The following ANKS1B variants were observed in gnomAD, a reference collection of about 807,000 sequenced individuals.
The protein encoded by ANKS1B is ankyrin repeat and sterile alpha motif domain-containing protein 1B.
In ANKS1B, 36 loss-of-function variants were observed where a neutral mutation model predicts 148.3. That is an observed-to-expected ratio of 0.24 (90% CI 0.19 to 0.32). The LOEUF is 0.32. Among genes scored for constraint, ANKS1B ranks in the 10% least tolerant of loss-of-function variants. The pLI is 1.00. For missense variants in ANKS1B, 1,157 were observed against 1,542.6 expected, an observed-to-expected ratio of 0.75 and a Z score of 4.19; for synonymous variants, 542 against 560.8, an observed-to-expected ratio of 0.97 and a Z score of 0.47.
intron 12 of ANKS1B, among the ~76,000 whole-genome samples, chr12:99,347,182 A>G (rs541512664): frequency 6.6e-6 from 1 of 152,174 alleles, no homozygotes; most frequent in South Asian, 2.1e-4. Flanking sequence ...CACAGACAGC[A>G]TCTATATAAA....
chr12:99,149,958 T>C (rs1189316116), intron 15 of ANKS1B, among the ~76,000 whole-genome samples: 2 of 152,170 alleles, frequency 1.3e-5, no homozygotes, highest in African/African-American at 4.8e-5. Flanking sequence ...GTATGTGTGA[T>C]GTGCATGCAA....
At chr12:98,928,749 TA>T (rs2099811107) in intron 17 of ANKS1B, among the ~76,000 whole-genome samples, 1 of 151,926 alleles carries the variant, frequency 6.6e-6, no homozygotes, top group African/African-American at 2.4e-5. Flanking sequence ...TCTTTTATGA[TA>T]AAAATCATTC....
At chr12:99,951,450 T>C (rs918033469) in intron 1 of ANKS1B, among the ~76,000 whole-genome samples, 1 of 152,230 alleles carries the variant, frequency 6.6e-6, no homozygotes, top group Non-Finnish European at 1.5e-5. Flanking sequence ...TAGCCATTCA[T>C]AATTGTTCTA....
chr12:99,365,751 C>A (rs2092728899), intron 12 of ANKS1B, among the ~76,000 whole-genome samples: 1 of 151,950 alleles, frequency 6.6e-6, no homozygotes, highest in East Asian at 1.9e-4. Context: ...GCGGGCAAGA[C>A]CAGAAGTGGC....
chr12:99,749,733 G>T (rs1256890767), intron 8 of ANKS1B, among the ~76,000 whole-genome samples: 3 of 151,896 alleles, frequency 2.0e-5, no homozygotes, highest in African/African-American at 7.2e-5. Context: ...TTCCTTAAGG[G>T]AGTCAATATA....
chr12:99,862,954 A>T (rs1358852992), intron 1 of ANKS1B, among the ~76,000 whole-genome samples: 1 of 152,188 alleles, frequency 6.6e-6, no homozygotes, highest in African/African-American at 2.4e-5. Flanking sequence ...CTCACCCAGT[A>T]TTTCTAGACC....
At chr12:99,405,625 A>C (rs7974967) in intron 11 of ANKS1B, among the ~76,000 whole-genome samples, 12,683 of 144,892 alleles carry the variant, frequency 0.088, 2,934 homozygotes, top group African/African-American at 0.3. Flanking sequence ...GAAGGAGAGA[A>C]GGAGGAGATC....
intron 1 of ANKS1B, among the ~76,000 whole-genome samples, chr12:99,912,690 G>T (rs1356757106): frequency 6.6e-6 from 1 of 152,054 alleles, no homozygotes; most frequent in African/African-American, 2.4e-5. Context: ...TTTACTTTGA[G>T]TGTTAAGGCT....
chr12:99,296,850 A>T (rs1414382277), intron 12 of ANKS1B, among the ~76,000 whole-genome samples: 1 of 152,184 alleles, frequency 6.6e-6, no homozygotes, highest in Non-Finnish European at 1.5e-5. Flanking sequence ...AAAATATATA[A>T]TATTAACTAG....
intron 5 of ANKS1B, among the ~76,000 whole-genome samples, chr12:99,780,391 T>C (rs1449390683): frequency 1.3e-5 from 2 of 152,056 alleles, no homozygotes; most frequent in African/African-American, 4.8e-5. Flanking sequence ...TTCTCCTGCC[T>C]CAGACTCCTG....
intron 17 of ANKS1B, among the ~76,000 whole-genome samples, chr12:98,873,785 C>A (rs1235000706): frequency 2.0e-5 from 3 of 152,212 alleles, no homozygotes; most frequent in Non-Finnish European, 2.9e-5. Context: ...GTAAAAATCA[C>A]TTTACTTGCC....
rs149689725 is a variant in ANKS1B, at chr12:99,058,500, C to T, written c.2626-5191G>A. On this transcript the variant is annotated intron_variant, in intron 16 of 26. Transcript: ENST00000683438. Reference sequence around the variant, plus strand: ...CTGAGCTCAAGCGATCTGCCTGCCTCAACCTCCCAAAGTGTTGGGATTACA... The same window carrying T: ...CTGAGCTCAAGCGATCTGCCTGCCTTAACCTCCCAAAGTGTTGGGATTACA... Among the ~76,000 whole-genome samples, 1,079 of 152,104 alleles carry T rather than the reference C, an allele frequency of 7.1e-3. 13 individuals are homozygous for T. The highest frequency in any genetic ancestry group is 0.046 in the South Asian group (221 of 4,818).
intron 15 of ANKS1B, among the ~76,000 whole-genome samples, chr12:99,136,632 A>G (rs1235555243): frequency 6.6e-6 from 1 of 152,194 alleles, no homozygotes; most frequent in Non-Finnish European, 1.5e-5. Context: ...AATAATATCT[A>G]AAGTTGATAA....
intron 9 of ANKS1B, among the ~76,000 whole-genome samples, chr12:99,588,933 T>G (rs1481154780): frequency 6.6e-6 from 1 of 152,220 alleles, no homozygotes; most frequent in East Asian, 1.9e-4. Flanking sequence ...CCCTACCTAT[T>G]TTATTAAATA....
chr12:99,328,451 C>T (rs1435811008), intron 12 of ANKS1B, among the ~76,000 whole-genome samples: 1 of 151,970 alleles, frequency 6.6e-6, no homozygotes, highest in Non-Finnish European at 1.5e-5. Context: ...AGTGCCCACA[C>T]AGGACCAGGA....
chr12:99,735,303 A>C (rs537631128), intron 8 of ANKS1B, among the ~76,000 whole-genome samples: 1 of 152,320 alleles, frequency 6.6e-6, no homozygotes, highest in African/African-American at 2.4e-5. Flanking sequence ...AGACCACAAA[A>C]ATAAAAAAGA....
chr12:99,357,562 A>C (rs983686957), intron 12 of ANKS1B, among the ~76,000 whole-genome samples: 5 of 152,148 alleles, frequency 3.3e-5, no homozygotes, highest in African/African-American at 9.7e-5. Context: ...CTGCCTGAGA[A>C]CATAAGCTAT....
chr12:99,186,283 C>G (rs1419443770), intron 14 of ANKS1B, among the ~76,000 whole-genome samples: 1 of 152,134 alleles, frequency 6.6e-6, no homozygotes, highest in African/African-American at 2.4e-5. Flanking sequence ...GACAGAGCAC[C>G]TGGAGGAAGG....
chr12:98,832,318 G>A (rs887709118), intron 17 of ANKS1B, among the ~76,000 whole-genome samples, 182 bp from the exon 18 acceptor site: 13 of 152,196 alleles, frequency 8.5e-5, no homozygotes, highest in Non-Finnish European at 1.6e-4. Context: ...AAAGCCTGGA[G>A]TGGCTAAGTA....
Sources: allele counts gnomAD v4.1 joint callset (sites outside exome capture counted in the v4.1 genomes callset), GRCh38; gene constraint gnomAD v4.1.1; transcripts MANE v1.5; gene names NCBI Gene and HGNC (gene_info 2026-07-23, HGNC 2026-07-21).